Variants in DENND2A observed in about 807,000 individuals in gnomAD.
DENND2A encodes DENN domain containing 2A.
Under a neutral mutation model 105.3 loss-of-function variants are expected in DENND2A, and 53 were observed. The observed-to-expected ratio is 0.50, with a 90% CI of 0.40 to 0.63. DENND2A has a LOEUF of 0.63. DENND2A is among the 30% of genes least tolerant of loss of function. The probability of loss-of-function intolerance (pLI) is 0.00; values close to 1 mark genes in which losing one functional copy is unlikely to be tolerated. For synonymous variants in DENND2A, 522 were observed against 508.4 expected (o/e 1.03, Z -0.36); for missense variants, 1,138 against 1,279.6 (o/e 0.89, Z 1.69).
intron 5 of DENND2A, among the ~76,000 whole-genome samples, chr7:140,580,971 C>G (rs62485839): frequency 0.53 from 80,111 of 151,160 alleles, 24,092 homozygotes; most frequent in African/African-American, 0.83. Flanking sequence ...AACATATATT[C>G]AAAAGTATAG....
chr7:140,567,302 GAAA>G lies in DENND2A; in HGVS notation c.1592-32_1592-30del, dbSNP rs750761053. On this transcript the variant is annotated intron_variant, in intron 8 of 19. Transcript: ENST00000496613. The stretch of plus-strand genomic sequence containing the variant: ...GGTGAGGGAGGGAGAGAGAAAGAGA[GAAA>G]GAGAGAGAGAGAGAGAGAGAGAGAG... The G allele has an allele frequency of 1.1e-3, 902 of 837,052 alleles. 16 individuals carry two copies. The African/African-American group carries it at 0.026, about 24-fold the overall frequency. 51.9% of individuals were successfully genotyped at this position (837,052 alleles called of 1,614,324 possible).
chr7:140,590,150 G>C (rs889078122), intron 3 of DENND2A, among the ~76,000 whole-genome samples: 2 of 152,140 alleles, frequency 1.3e-5, no homozygotes, highest in Non-Finnish European at 2.9e-5. Flanking sequence ...AGCACTTTGG[G>C]AGGCCGAGGC....
At chr7:140,604,119 C>T (rs900993172) in intron 2 of DENND2A, among the ~76,000 whole-genome samples, 15 of 152,214 alleles carry the variant, frequency 9.9e-5, no homozygotes, top group South Asian at 2.1e-4. Context: ...CCTCACGGTG[C>T]CCATTTTCTG....
In DENND2A at chr7:140,640,434, C is replaced by G. The variant is rs1003648584; in HGVS notation, c.-248+70G>C. 19 of 152,272 alleles carry G rather than the reference C, an allele frequency of 1.2e-4. No homozygotes were observed. The highest frequency in any genetic ancestry group is 3.9e-4 in the African/African-American group (16 of 41,532). 9.4% of individuals were successfully genotyped at this position (152,272 alleles called of 1,614,324 possible). ...CGCGAGCCGTTTCCTCCCTCCCCCG[C>G]GCGTCCCCTCCTCCGTCCCCTTTCC... On this transcript the variant is annotated intron_variant, in intron 1 of 19. Transcript: ENST00000496613. This position sits in a 1 kb window ranked among gnomAD's most constrained non-coding sequence, Gnocchi z 4.9.
At chr7:140,534,162 G>A (rs1796373882) in intron 14 of DENND2A, among the ~76,000 whole-genome samples, 1 of 140,348 alleles carries the variant, frequency 7.1e-6, no homozygotes, top group Non-Finnish European at 1.5e-5. Context: ...TTGGCTCACT[G>A]CAACCTCTGC....
chr7:140,555,038 T>G (rs1246079042), intron 12 of DENND2A, among the ~76,000 whole-genome samples: 1 of 152,042 alleles, frequency 6.6e-6, no homozygotes, highest in Non-Finnish European at 1.5e-5. Context: ...ACACCTGGAA[T>G]ATTCTGGGAG....
At position 140,585,593 on chromosome 7, in the gene DENND2A, G is replaced by A; in HGVS notation, c.1241C>T (p.Thr414Ile). 3 of 1,614,144 alleles carry A rather than the reference G, an allele frequency of 1.9e-6. No homozygotes were observed. Among genetic ancestry groups the A allele is most frequent in the South Asian group, 2.2e-5 (2 of 91,072 alleles). Residue 414 changes from threonine (T) to isoleucine (I), a missense_variant, in exon 5 of 20, where the codon ACC (threonine) becomes ATC (isoleucine). By Grantham distance (89) the Thr-to-Ile change is moderately conservative. Transcript: ENST00000496613. Reference protein sequence around the residue: ...SPTSSIPDTLTKQSLSKPAFF... With the variant: ...SPTSSIPDTLIKQSLSKPAFF... ...CCATTCCCAGGGGACTCATACCTTG[G>A]TGAGTGTGTCAGGGATGGAAGAGGT...
chr7:140,624,711 T>C (rs1382722104), intron 1 of DENND2A, among the ~76,000 whole-genome samples: 1 of 152,090 alleles, frequency 6.6e-6, no homozygotes, highest in Non-Finnish European at 1.5e-5. Context: ...TTTCCTTTTT[T>C]TTTTCTTAGC....
upstream of DENND2A, among the ~76,000 whole-genome samples, chr7:140,640,946 G>C (rs151262827): frequency 3.3e-5 from 5 of 151,126 alleles, no homozygotes; most frequent in South Asian, 4.2e-4. The surrounding 1 kb of genome is among the most constrained non-coding windows in gnomAD (Gnocchi z 4.9). Flanking sequence ...GCGGTAAACA[G>C]GACCTTCTGC....
Position 140,585,798 on chromosome 7 carries a change from C to T in DENND2A, c.1124-88G>A, listed in dbSNP as rs142483349. The T allele has an allele frequency of 4.0e-4, 630 of 1,578,048 alleles. 1 individual carries two copies. The highest frequency in any genetic ancestry group is 2.2e-3 in the Middle Eastern group (13 of 5,822). The stretch of plus-strand genomic sequence containing the variant: ...ACTGAGGTCAGTATCTTGGCCTCTC[C>T]TGTGTCCATTCTTGTAGGCATATCT... On this transcript the variant is annotated intron_variant, in intron 4 of 19. Transcript: ENST00000496613.
chr7:140,599,158 G>A (rs1799390219), intron 3 of DENND2A, among the ~76,000 whole-genome samples: 1 of 152,044 alleles, frequency 6.6e-6, no homozygotes, highest in Admixed American at 6.6e-5. Context: ...CCAACATGGT[G>A]AAACCCTGTC....
intron 14 of DENND2A, among the ~76,000 whole-genome samples, chr7:140,533,731 T>C (rs527709205): frequency 6.6e-6 from 1 of 152,270 alleles, no homozygotes; most frequent in East Asian, 1.9e-4. Flanking sequence ...TTGTTGACTA[T>C]CTCCTGTGGT....
chr7:140,571,408 C>T (rs563873900), intron 6 of DENND2A, among the ~76,000 whole-genome samples: 69 of 152,202 alleles, frequency 4.5e-4, no homozygotes, highest in African/African-American at 1.6e-3. Context: ...GTGATCTGCC[C>T]ACCTCAGCCT....
intron 19 of DENND2A, 107 bp from the exon 20 acceptor site, chr7:140,518,845 A>G (rs1585534236): frequency 3.2e-6 from 3 of 951,784 alleles, no homozygotes; most frequent in African/African-American, 1.6e-5. Flanking sequence ...CCCCCACGCC[A>G]CCCCAGGGAG....
At chr7:140,618,196 G>A (rs1800153131) in intron 1 of DENND2A, among the ~76,000 whole-genome samples, 1 of 152,158 alleles carries the variant, frequency 6.6e-6, no homozygotes, top group South Asian at 2.1e-4. Flanking sequence ...TAAAGCATGA[G>A]TTATAAAAGT....
intron 6 of DENND2A, among the ~76,000 whole-genome samples, chr7:140,571,062 C>T (rs769786241): frequency 6.6e-6 from 1 of 152,176 alleles, no homozygotes; most frequent in Non-Finnish European, 1.5e-5. Flanking sequence ...CTTATTATCT[C>T]ACAGCTATAT....
At chr7:140,634,561 G>A (rs954288921) in intron 1 of DENND2A, among the ~76,000 whole-genome samples, 21 of 152,180 alleles carry the variant, frequency 1.4e-4, no homozygotes, top group African/African-American at 3.9e-4. Context: ...AAAAGAAAAC[G>A]TATTAAAATT....
intron 1 of DENND2A, among the ~76,000 whole-genome samples, chr7:140,634,424 C>A (rs1484270527): frequency 2.0e-5 from 3 of 152,166 alleles, no homozygotes; most frequent in Admixed American, 6.5e-5. Flanking sequence ...TGTTCCTTAA[C>A]CCAATTGTAC....
intron 1 of DENND2A, among the ~76,000 whole-genome samples, chr7:140,622,614 T>C (rs1290529730): frequency 6.6e-6 from 1 of 152,118 alleles, no homozygotes; most frequent in Non-Finnish European, 1.5e-5. Flanking sequence ...CACAGAATTT[T>C]ACAACACCAG....
Sources: gnomAD v4.1 joint callset for allele counts (sites outside exome capture counted in the v4.1 genomes callset) on GRCh38, gnomAD v4.1.1 for gene constraint, Gnocchi (gnomAD v3.1) non-coding constraint, MANE v1.5 for transcripts, NCBI Gene and HGNC (gene_info 2026-07-23, HGNC 2026-07-21) for gene names.